The following VSIG10 variants were observed in gnomAD, a reference collection of about 807,000 sequenced individuals.
VSIG10 encodes the protein V-set and immunoglobulin domain containing 10.
Under a neutral mutation model 58.7 loss-of-function variants are expected in VSIG10, and 48 were observed. That is an observed-to-expected ratio of 0.82 (90% CI 0.65 to 1.04). VSIG10 has a LOEUF of 1.04. Among genes scored for constraint, VSIG10 ranks in the 50% least tolerant of loss-of-function variants. The probability of loss-of-function intolerance (pLI) is 0.00; values close to 1 mark genes in which losing one functional copy is unlikely to be tolerated. For synonymous variants in VSIG10, 260 were observed against 267.1 expected (o/e 0.97, Z 0.26); for missense variants, 628 against 670.0 (o/e 0.94, Z 0.69).
intron 2 of VSIG10, among the ~76,000 whole-genome samples, chr12:118,091,789 C>T (rs1417787087): frequency 6.6e-6 from 1 of 151,622 alleles, no homozygotes; most frequent in African/African-American, 2.4e-5. Flanking sequence ...CGGAGTTTCA[C>T]TCTTGTTGCC....
chr12:118,071,390 C>T lies in VSIG10; in HGVS notation c.1299G>A (p.Leu433=). 1 of 1,613,866 alleles carries T rather than the reference C, an allele frequency of 6.2e-7. No homozygotes were observed. Among genetic ancestry groups the T allele is most frequent in the Non-Finnish European group, 8.5e-7 (1 of 1,179,850 alleles). The change falls in exon 6 of 9, where the codon CTG becomes CTA. Residue 433 remains leucine (L), a synonymous_variant. Coordinates refer to ENST00000359236, the MANE Select transcript of VSIG10 (RefSeq NM_019086.6). The stretch of plus-strand genomic sequence containing the variant: ...AGCAGAACACAGGGCTATAATGCAA[C>T]AGAAGCCCTGAGATAATGGCCAGTC... The part of the protein sequence containing the change: ...LLGLAIISGL[L]LHYSPVFCWK...
chr12:118,073,680 G>T lies in VSIG10; in HGVS notation c.1219+19C>A. 6.3e-7 allele frequency: 1 copy of T among 1,583,830 alleles called. No homozygotes were observed. The highest frequency in any genetic ancestry group is 1.2e-5 in the South Asian group (1 of 86,418). ...AAGCTCTGAACCCTCCCTCCTTCAG[G>T]CCCAGTTCCACCACTCACCTTTCAC... On this transcript the variant is annotated intron_variant, in intron 5 of 8. Transcript: ENST00000359236.
In VSIG10 at chr12:118,103,584, GC is replaced by G. The variant is rs1297707789; in HGVS notation, c.79+8del. 4 of 1,518,960 alleles carry G rather than the reference GC, an allele frequency of 2.6e-6. No homozygotes were observed. The highest frequency in any genetic ancestry group is 1.4e-5 in the African/African-American group (1 of 70,048). 94.1% of individuals were successfully genotyped at this position (1,518,960 alleles called of 1,614,324 possible). On this transcript the variant is annotated splice_region_variant and intron_variant, in intron 1 of 8. Coordinates refer to ENST00000359236, the MANE Select transcript of VSIG10 (RefSeq NM_019086.6). ...ACTCAACTTTTCCCTCCAGATCGCG[GC>G]CCCTTACCTACGGCGACCCAGCCGG...
rs193024631 is a variant in VSIG10, at chr12:118,066,379, G to A, written c.*260C>T. The A allele has an allele frequency of 1.9e-5, 10 of 528,530 alleles. No homozygotes were observed. The Admixed American group carries it at 3.3e-4, about 17-fold the overall frequency. 32.7% of individuals were successfully genotyped at this position (528,530 alleles called of 1,614,324 possible). The stretch of plus-strand genomic sequence containing the variant: ...TAAAGCCAGGATTCACAGCAGAAGT[G>A]GCACCTCAGACACCAAAGCAGCTTT... On this transcript the variant is annotated 3_prime_UTR_variant, in exon 9 of 9. Transcript: ENST00000359236.
At chr12:118,091,100 ATTC>A (rs1319830145) in intron 2 of VSIG10, among the ~76,000 whole-genome samples, 183 of 152,220 alleles carry the variant, frequency 1.2e-3, no homozygotes, top group Non-Finnish European at 2.4e-3. Context: ...GCGCCACTGT[ATTC>A]CAGCCTGGAC....
chr12:118,073,612 A>G, intron 5 of VSIG10, 87 bp downstream of exon 5: 1 of 1,458,332 alleles, frequency 6.9e-7, no homozygotes, highest in South Asian at 1.4e-5. Flanking sequence ...ACCCATGTGT[A>G]GGGAGGCACC....
chr12:118,095,848 T>G (rs1240358628), intron 1 of VSIG10, 34 bp from the exon 2 acceptor site: 2 of 1,570,050 alleles, frequency 1.3e-6, no homozygotes, highest in Non-Finnish European at 1.7e-6. Context: ...TTACTACCCT[T>G]CTTAATTTCT....
intron 1 of VSIG10, among the ~76,000 whole-genome samples, chr12:118,096,125 C>T (rs76269245): frequency 6.6e-6 from 1 of 152,008 alleles, no homozygotes; most frequent in East Asian, 1.9e-4. Flanking sequence ...AGGGTTTCAC[C>T]ACCACATTGG....
At chr12:118,074,294 G>A (rs1239369748) in intron 4 of VSIG10, among the ~76,000 whole-genome samples, 1 of 152,050 alleles carries the variant, frequency 6.6e-6, no homozygotes, top group African/African-American at 2.4e-5. Context: ...ATGTTGCCCA[G>A]GCTGGTCTCA....
At chr12:118,096,476 G>T (rs1818958757) in intron 1 of VSIG10, among the ~76,000 whole-genome samples, 1 of 151,530 alleles carries the variant, frequency 6.6e-6, no homozygotes, top group Admixed American at 6.6e-5. Context: ...TACTAGGGAG[G>T]CTGAAGCAGG....
At position 118,065,793 on chromosome 12, in the gene VSIG10, G is replaced by A. The variant is rs1407166675; in HGVS notation, c.*846C>T. 6.6e-6 allele frequency: 1 copy of A among 152,234 alleles called. No homozygotes were observed. Among genetic ancestry groups the A allele is most frequent in the African/African-American group, 2.4e-5 (1 of 41,456 alleles). 9.4% of individuals were successfully genotyped at this position (152,234 alleles called of 1,614,324 possible). ...TCAATAAATGGAAGGAAAGATGTGT[G>A]TGCTTGGTTTTTTTGCTGAGACCCA... On this transcript the variant is annotated 3_prime_UTR_variant, in exon 9 of 9. Transcript: ENST00000359236.
intron 7 of VSIG10, 156 bp downstream of exon 7, chr12:118,070,896 A>G: frequency 5.6e-6 from 5 of 892,768 alleles, no homozygotes. Context: ...GAAAGGGTTT[A>G]TAAGAATACC....
At chr12:118,084,407 A>G (rs894473518) in intron 2 of VSIG10, among the ~76,000 whole-genome samples, 4 of 152,176 alleles carry the variant, frequency 2.6e-5, no homozygotes, top group African/African-American at 9.7e-5. Flanking sequence ...AGTCTGTGCT[A>G]ATCAGTTAAT....
chr12:118,099,575 C>A (rs2033569875), intron 1 of VSIG10, among the ~76,000 whole-genome samples: 2 of 152,240 alleles, frequency 1.3e-5, no homozygotes, highest in African/African-American at 4.8e-5. Context: ...AATCAAGACC[C>A]AATACAAAGA....
At chr12:118,083,304 A>G (rs113925651) in intron 2 of VSIG10, among the ~76,000 whole-genome samples, 4,369 of 150,550 alleles carry the variant, frequency 0.029, 64 homozygotes, top group Middle Eastern at 0.066. Context: ...TAGGGCCAGC[A>G]CGGTGGCTCA....
chr12:118,090,419 A>T (rs1165137144), intron 2 of VSIG10, among the ~76,000 whole-genome samples: 2 of 152,250 alleles, frequency 1.3e-5, no homozygotes, highest in Non-Finnish European at 2.9e-5. Context: ...AAATAAGCTC[A>T]CATTCGTAGA....
At chr12:118,068,023 C>CTTTTTTTTT (rs371999216) in intron 8 of VSIG10, among the ~76,000 whole-genome samples, 2 of 85,500 alleles carry the variant, frequency 2.3e-5, no homozygotes, top group African/African-American at 5.0e-5. Context: ...GGTTTGTGGG[C>CTTTTTTTTT]TTTTTTTTTT....
intron 2 of VSIG10, among the ~76,000 whole-genome samples, chr12:118,094,486 C>T (rs375768328): frequency 6.6e-6 from 1 of 151,926 alleles, no homozygotes; most frequent in African/African-American, 2.4e-5. Flanking sequence ...CGGGTTTAAC[C>T]GATTCTCCTG....
rs373633343 is a variant in VSIG10, at chr12:118,079,561, C to T, written c.710G>A (p.Gly237Glu). ...ACAGGTAAGCTGCAACATGAACGAT[C>T]CTGATGCCATCTGTGCCCAGCACTG... ...APQCWAQMAS[G>E]SFMLQLTCRW... Residue 237 changes from glycine to glutamate, a missense_variant, in exon 4 of 9, where the codon GGA (glycine) becomes GAA (glutamate). Gly to Glu is a moderately conservative substitution (Grantham distance 98). Coordinates refer to ENST00000359236, the MANE Select transcript of VSIG10 (RefSeq NM_019086.6). 1.4e-5 allele frequency: 23 copies of T among 1,613,912 alleles called. No homozygotes were observed. Among genetic ancestry groups the T allele is most frequent in the Non-Finnish European group, 1.9e-5 (22 of 1,179,908 alleles).
Sources: allele counts gnomAD v4.1 joint callset (sites outside exome capture counted in the v4.1 genomes callset), GRCh38; gene constraint gnomAD v4.1.1; transcripts MANE v1.5; gene names NCBI Gene and HGNC (gene_info 2026-07-23, HGNC 2026-07-21).